FMO5: variants seen among roughly 807,000 people sequenced by gnomAD.
FMO5 encodes flavin-containing monooxygenase 5.
FMO5 carries 51 observed loss-of-function variants against 43.6 expected under a neutral mutation model. That is an observed-to-expected ratio of 1.17 (90% CI 0.93 to 1.48). The LOEUF (loss-of-function observed/expected upper bound fraction) is 1.48, where lower values mean the gene tolerates loss of function less well. Among genes scored for constraint, FMO5 ranks in the 40% most tolerant of loss-of-function variants. FMO5 has a pLI of 0.00. For synonymous variants in FMO5, 187 were observed against 216.5 expected (o/e 0.86, Z 1.20); for missense variants, 644 against 643.0 (o/e 1.00, Z -0.02).
intron 6 of FMO5, among the ~76,000 whole-genome samples, chr1:147,205,936 A>T (rs1274397920): frequency 6.6e-6 from 1 of 152,162 alleles, no homozygotes; most frequent in Non-Finnish European, 1.5e-5. Context: ...TAAACTAAAG[A>T]GCTTCTGCAC....
At position 147,201,244 on chromosome 1, in the gene FMO5, G is replaced by A; in HGVS notation, c.1091C>T (p.Pro364Leu). 1 of 1,614,102 alleles carries A rather than the reference G, an allele frequency of 6.2e-7. No homozygotes were observed. The highest frequency in any genetic ancestry group is 8.5e-7 in the Non-Finnish European group (1 of 1,180,006). ...KKVFPPNLER[P>L]TLAIIGLIQP... ...AATCAAGCCTATGATTGCAAGAGTT[G>A]GCCTTTCCAGGTTAGGAGGGAAGAC... Residue 364 changes from proline to leucine, a missense_variant, in exon 7 of 9, where the codon CCA becomes CTA. Coordinates refer to ENST00000254090, the MANE Select transcript of FMO5 (RefSeq NM_001461.4).
intron 6 of FMO5, chr1:147,204,206 G>C: frequency 7.2e-7 from 1 of 1,380,450 alleles, no homozygotes. Flanking sequence ...AAAAGGACAA[G>C]AGTACACTGC....
intron 6 of FMO5, chr1:147,204,899 C>A: frequency 6.3e-7 from 1 of 1,582,814 alleles, no homozygotes; most frequent in Non-Finnish European, 8.7e-7. Flanking sequence ...AGCATCTGGG[C>A]GAAGCCCGGA....
chr1:147,220,944 CA>C (rs11287039), intron 2 of FMO5, among the ~76,000 whole-genome samples: 21 of 137,322 alleles, frequency 1.5e-4, no homozygotes, highest in East Asian at 4.1e-4. Context: ...TTTAAGTTTC[CA>C]AAAAAAAAAA....
At chr1:147,204,917 G>T (rs587654580) in intron 6 of FMO5, 2 of 1,571,410 alleles carry the variant, frequency 1.3e-6, no homozygotes, top group Non-Finnish European at 8.8e-7. Flanking sequence ...GGAGCCTTGG[G>T]AACTTGAAGC....
At chr1:147,185,296 A>G (rs1009051567), downstream of FMO5, among the ~76,000 whole-genome samples, 1 of 152,142 alleles carries the variant, frequency 6.6e-6, no homozygotes, top group African/African-American at 2.4e-5. Flanking sequence ...GAATTATATT[A>G]TCAAAGGGCT....
Position 147,186,437 on chromosome 1 carries a change from CA to C in FMO5, c.*462del. ...TAGGAACATTATTTCTCTTATCTCT[CA>C]GGAAACATATTTAGTTATAATATGA... On this transcript the variant is annotated 3_prime_UTR_variant, in exon 9 of 9. Coordinates refer to ENST00000254090, the MANE Select transcript of FMO5 (RefSeq NM_001461.4). The C allele has an allele frequency of 1.1e-6, 1 of 915,404 alleles. No individual in the cohort carries two copies. Among genetic ancestry groups the C allele is most frequent in the African/African-American group, 1.8e-5 (1 of 55,826 alleles). The allele number at this position is 915,404 out of a possible 1,614,324, so 56.7% of individuals were successfully genotyped here. A position where few individuals can be genotyped will look rare whatever the true frequency, so the allele number is the denominator to read the frequency against.
At position 147,225,033 on chromosome 1, in the gene FMO5, C is replaced by A; in HGVS notation, c.-4G>T. The A allele has an allele frequency of 6.3e-7, 1 of 1,588,150 alleles. No individual in the cohort carries two copies. Among genetic ancestry groups the A allele is most frequent in the South Asian group, 1.1e-5 (1 of 89,216 alleles). ...CAGCAATTCTTTTCTTAGTCATGGT[C>A]TCCCGAGATCTTCACCTGTTAGTGT... On this transcript the variant is annotated 5_prime_UTR_variant, in exon 2 of 9. Transcript: ENST00000254090.
intron 1 of FMO5, 61 bp downstream of exon 1, chr1:147,225,226 G>T: frequency 7.1e-7 from 1 of 1,399,156 alleles, no homozygotes. Context: ...GCTGGCATGG[G>T]GGAGCCCTGC....
chr1:147,197,339 G>A (rs1658178676), intron 7 of FMO5, among the ~76,000 whole-genome samples: 1 of 152,126 alleles, frequency 6.6e-6, no homozygotes, highest in Non-Finnish European at 1.5e-5. Context: ...CATTGCTACT[G>A]GAGCACTTGT....
At chr1:147,223,104 G>A (rs1212120846) in intron 2 of FMO5, among the ~76,000 whole-genome samples, 1 of 152,202 alleles carries the variant, frequency 6.6e-6, no homozygotes, top group Non-Finnish European at 1.5e-5. Context: ...CACAGGTACA[G>A]AGAAGCTTAA....
intron 5 of FMO5, 121 bp from the exon 6 acceptor site, chr1:147,209,172 C>T: frequency 1.4e-6 from 1 of 725,952 alleles, no homozygotes; most frequent in South Asian, 1.8e-5. Flanking sequence ...GTAATCCCAG[C>T]ACTTTGGGAG....
downstream of FMO5, among the ~76,000 whole-genome samples, chr1:147,185,397 T>A (rs1261461906): frequency 1.3e-5 from 2 of 152,152 alleles, no homozygotes; most frequent in South Asian, 2.1e-4. Flanking sequence ...GCTTTTGATA[T>A]GCAGATTTAA....
intron 2 of FMO5, among the ~76,000 whole-genome samples, chr1:147,222,962 A>G (rs1663316598): frequency 6.6e-6 from 1 of 152,204 alleles, no homozygotes; most frequent in African/African-American, 2.4e-5. Flanking sequence ...GGCCTACTGA[A>G]TAATAACCAA....
At chr1:147,203,591 A>G (rs1659436918) in intron 6 of FMO5, 1 of 1,090,762 alleles carries the variant, frequency 9.2e-7, no homozygotes, top group South Asian at 1.2e-5. Flanking sequence ...TGCACGGGGA[A>G]TAGCTTCAAA....
rs1553927300 is a variant in FMO5 at position 147,225,000 on chromosome 1, C to G, written c.30G>C (p.Gly10=). 1.2e-6 allele frequency: 2 copies of G among 1,613,920 alleles called. No individual in the cohort carries two copies. The highest frequency in any genetic ancestry group is 3.3e-5 in the Admixed American group (2 of 60,000). ...TGGAAGAGAGCCCGCTCACTCCTCC[C>G]CCAATCACAGCAATTCTTTTCTTAG... is the stretch of plus-strand genomic sequence containing the variant. MTKKRIAVI[G]GGVSGLSSIK... is the part of the protein sequence containing the mutation. Residue 10 remains glycine, a synonymous_variant, in exon 2 of 9, where the codon GGG becomes GGC. Transcript: ENST00000254090.
At chr1:147,208,782 T>C (rs1409026806) in intron 6 of FMO5, 70 bp downstream of exon 6, 1 of 1,307,894 alleles carries the variant, frequency 7.6e-7, no homozygotes, top group African/African-American at 1.5e-5. Context: ...GCTTTACTAT[T>C]AGCCAGTGTG....
At chr1:147,209,246 C>A (rs192557539) in intron 5 of FMO5, among the ~76,000 whole-genome samples, 195 bp from the exon 6 acceptor site, 1 of 152,030 alleles carries the variant, frequency 6.6e-6, no homozygotes, top group African/African-American at 2.4e-5. Context: ...AGTGAAACCC[C>A]GTCTCTACTG....
chr1:147,219,127 C>T (rs1020901535), intron 2 of FMO5, among the ~76,000 whole-genome samples: 4 of 152,092 alleles, frequency 2.6e-5, no homozygotes, highest in Non-Finnish European at 5.9e-5. Context: ...AATTTGGAGA[C>T]ACCAAAAACT....
Sources: gnomAD v4.1 joint callset for allele counts (sites outside exome capture counted in the v4.1 genomes callset) on GRCh38, gnomAD v4.1.1 for gene constraint, MANE v1.5 for transcripts, NCBI Gene and HGNC (gene_info 2026-07-23, HGNC 2026-07-21) for gene names.